MTSS1: variants seen among roughly 807,000 people sequenced by gnomAD.
MTSS1 encodes MTSS I-BAR domain containing 1.
MTSS1 carries 18 observed loss-of-function variants against 79.0 expected under a neutral mutation model. That is an observed-to-expected ratio of 0.23 (90% CI 0.16 to 0.34). The LOEUF is 0.34. MTSS1 is among the 10% of genes least tolerant of loss of function. The pLI is 1.00. For synonymous variants in MTSS1, 341 were observed against 368.6 expected (o/e 0.93, Z 0.86); for missense variants, 815 against 986.2 (o/e 0.83, Z 2.33).
intron 13 of MTSS1, among the ~76,000 whole-genome samples, chr8:124,555,033 A>G (rs1366805287): frequency 6.6e-6 from 1 of 152,116 alleles, no homozygotes; most frequent in African/African-American, 2.4e-5. Flanking sequence ...CTGTAGAGAC[A>G]AGAGTTTTGC....
intron 3 of MTSS1, among the ~76,000 whole-genome samples, chr8:124,659,556 C>T (rs780983169): frequency 6.6e-6 from 1 of 152,148 alleles, no homozygotes; most frequent in African/African-American, 2.4e-5. Flanking sequence ...AGATTAAAGG[C>T]TAAGAATTAT....
At position 124,585,206 on chromosome 8, in the gene MTSS1, CA is replaced by C. The variant is rs767749137; in HGVS notation, c.386-46del. The C allele has an allele frequency of 3.5e-6, 5 of 1,440,090 alleles. No individual in the cohort carries two copies. In the East Asian group the frequency reaches 9.1e-5, roughly 26 times the overall value. The allele number at this position is 1,440,090 out of a possible 1,614,324, so 89.2% of individuals were successfully genotyped here. ...GGAACAATTTTACCACTTTGCTTAA[CA>C]GAAAATATGTTAGGTAGGAAACAGC... On this transcript the variant is annotated intron_variant, in intron 5 of 13. Coordinates refer to ENST00000518547, the MANE Select transcript of MTSS1 (RefSeq NM_014751.6).
chr8:124,670,131 G>A (rs542040457), intron 3 of MTSS1, among the ~76,000 whole-genome samples: 1 of 152,282 alleles, frequency 6.6e-6, no homozygotes, highest in African/African-American at 2.4e-5. Context: ...ATAAAACACT[G>A]CCAAGGAACA....
intron 3 of MTSS1, among the ~76,000 whole-genome samples, chr8:124,638,022 T>C (rs1040067922): frequency 6.6e-6 from 1 of 152,248 alleles, no homozygotes; most frequent in African/African-American, 2.4e-5. Flanking sequence ...AGCAGCGTAG[T>C]ACTTCCCAAA....
chr8:124,717,539 G>A (rs916950981), intron 1 of MTSS1, among the ~76,000 whole-genome samples: 4 of 151,104 alleles, frequency 2.6e-5, no homozygotes, highest in Middle Eastern at 3.4e-3. Flanking sequence ...AGGTGGCAGC[G>A]AGCCAAGATT....
intron 3 of MTSS1, among the ~76,000 whole-genome samples, chr8:124,695,730 G>A (rs1010541390): frequency 6.6e-6 from 1 of 152,156 alleles, no homozygotes; most frequent in Admixed American, 6.5e-5. Context: ...GGACTTATAG[G>A]TACTGGAAAG....
rs2132155303 is a variant in MTSS1 at position 124,570,644 on chromosome 8, C to G, written c.461-2108G>C. Among the ~76,000 whole-genome samples the G allele has an allele frequency of 1.3e-5, 2 of 152,088 alleles. 1 individual carries two copies. Among genetic ancestry groups the G allele is most frequent in the South Asian group, 4.2e-4 (2 of 4,798 alleles). Reference sequence around the variant, plus strand: ...TCCACGGGGGGTCTTGGAACATATCCCCTGAGGAGAAGGGGGAACTACTAT... The same window carrying G: ...TCCACGGGGGGTCTTGGAACATATCGCCTGAGGAGAAGGGGGAACTACTAT... On this transcript the variant is annotated intron_variant, in intron 6 of 13. Transcript: ENST00000518547.
chr8:124,692,386 A>G (rs1230289442), intron 3 of MTSS1, among the ~76,000 whole-genome samples: 1 of 152,216 alleles, frequency 6.6e-6, no homozygotes, highest in Non-Finnish European at 1.5e-5. Flanking sequence ...AAGAAAAAAA[A>G]AAAGTTTGCT....
In MTSS1 at chr8:124,553,433, G is replaced by A. The variant is rs772828082; in HGVS notation, c.1827C>T (p.Ile609=). Residue 609 remains isoleucine (I), a synonymous_variant, in exon 14 of 14, where the codon ATC becomes ATT. Transcript: ENST00000518547. The surrounding 1 kb of genome is among the most constrained non-coding windows in gnomAD (Gnocchi z 6.0). ...VRRGTIGAGP[I]PIKTPVIPVK... is the part of the protein sequence containing the mutation. Reference sequence around the variant, plus strand: ...CAGGGATCACGGGTGTCTTGATGGGGATGGGACCAGCTCCAATGGTTCCCC... The same window carrying A: ...CAGGGATCACGGGTGTCTTGATGGGAATGGGACCAGCTCCAATGGTTCCCC... 85 of 1,607,662 alleles carry A rather than the reference G, an allele frequency of 5.3e-5. No homozygotes were observed. Among genetic ancestry groups the A allele is most frequent in the Non-Finnish European group, 6.8e-5 (80 of 1,175,754 alleles).
At chr8:124,563,308 C>T (rs978182092) in intron 9 of MTSS1, 7 of 356,594 alleles carry the variant, frequency 2.0e-5, no homozygotes, top group African/African-American at 1.5e-4. Context: ...GTCAAGTGCG[C>T]CCAACTCTGC....
chr8:124,614,901 A>G (rs544621461), intron 3 of MTSS1, among the ~76,000 whole-genome samples: 1 of 152,364 alleles, frequency 6.6e-6, no homozygotes, highest in East Asian at 1.9e-4. Context: ...TTGCCCTAAA[A>G]TAAACACAGG....
At chr8:124,678,355 C>A (rs749448114) in intron 3 of MTSS1, among the ~76,000 whole-genome samples, 1 of 152,192 alleles carries the variant, frequency 6.6e-6, no homozygotes, top group Non-Finnish European at 1.5e-5. Context: ...ATAGCCCCAC[C>A]ACTTGAGTGC....
chr8:124,689,581 A>G (rs185500823), intron 3 of MTSS1, among the ~76,000 whole-genome samples: 94 of 152,080 alleles, frequency 6.2e-4, no homozygotes, highest in Non-Finnish European at 1.1e-3. Context: ...CCCCATCTCT[A>G]CTAAAAATAC....
At chr8:124,715,724 C>A (rs1374589052) in intron 1 of MTSS1, among the ~76,000 whole-genome samples, 2 of 151,924 alleles carry the variant, frequency 1.3e-5, no homozygotes, top group Non-Finnish European at 2.9e-5. Flanking sequence ...TGTCATTTTT[C>A]TTGCCTGGCG....
intron 3 of MTSS1, among the ~76,000 whole-genome samples, chr8:124,661,679 C>G (rs993236283): frequency 6.6e-6 from 1 of 152,104 alleles, no homozygotes; most frequent in African/African-American, 2.4e-5. Flanking sequence ...CAGCCACCCG[C>G]TACAAACACC....
At chr8:124,649,282 G>C (rs1215139998) in intron 3 of MTSS1, among the ~76,000 whole-genome samples, 4 of 152,224 alleles carry the variant, frequency 2.6e-5, no homozygotes, top group Non-Finnish European at 5.9e-5. Flanking sequence ...TATTGACTGT[G>C]TGGCCTTTCA....
chr8:124,561,637 C>G (rs182620887), intron 10 of MTSS1, among the ~76,000 whole-genome samples: 5 of 152,232 alleles, frequency 3.3e-5, no homozygotes, highest in Admixed American at 3.3e-4. Context: ...GTGCACACTA[C>G]TATGTTAATT....
intron 3 of MTSS1, among the ~76,000 whole-genome samples, chr8:124,667,209 A>G (rs1823264480): frequency 6.6e-6 from 1 of 152,182 alleles, no homozygotes. Flanking sequence ...AGAGCTCACC[A>G]GGGGACCAGG....
At chr8:124,676,999 T>C (rs1825409879) in intron 3 of MTSS1, among the ~76,000 whole-genome samples, 1 of 152,074 alleles carries the variant, frequency 6.6e-6, no homozygotes, top group African/African-American at 2.4e-5. Context: ...ATAACAAAAT[T>C]GGACTATTGA....
Sources: allele counts gnomAD v4.1 joint callset (sites outside exome capture counted in the v4.1 genomes callset), GRCh38; gene constraint gnomAD v4.1.1; non-coding constraint Gnocchi (gnomAD v3.1); transcripts MANE v1.5; gene names NCBI Gene and HGNC (gene_info 2026-07-23, HGNC 2026-07-21).